IL1RAPL1: variants seen among roughly 807,000 people sequenced by gnomAD.
The protein encoded by IL1RAPL1 is interleukin 1 receptor accessory protein like 1, also known as interleukin-1 receptor accessory protein-like 1.
A neutral mutation model predicts 48.4 loss-of-function variants in IL1RAPL1; 3 were observed. The observed-to-expected ratio is 0.06, with a 90% CI of 0.03 to 0.16. The LOEUF (loss-of-function observed/expected upper bound fraction) is 0.16, where lower values mean the gene tolerates loss of function less well. Ranked by LOEUF, IL1RAPL1 falls within the 10% of genes least tolerant of loss-of-function variation. The pLI, the probability that IL1RAPL1 is intolerant of heterozygous loss-of-function variation, is 1.00. For synonymous variants in IL1RAPL1, 185 were observed against 187.7 expected, an observed-to-expected ratio of 0.99 and a Z score of 0.12; for missense variants, 349 against 530.6, an observed-to-expected ratio of 0.66 and a Z score of 3.36.
chrX:29,405,599 C>G (rs1431099247), intron 5 of IL1RAPL1, among the ~76,000 whole-genome samples: 1 of 105,766 alleles, frequency 9.5e-6, no homozygotes. Flanking sequence ...ATCTCCTGAC[C>G]TCGTGATCCA....
chrX:29,802,994 T>C (rs1465943590), intron 6 of IL1RAPL1, among the ~76,000 whole-genome samples: 13 of 68,172 alleles, frequency 1.9e-4, no homozygotes, highest in Non-Finnish European at 3.1e-4. Flanking sequence ...TGTACATATA[T>C]ATGTATGCAT....
intron 1 of IL1RAPL1, among the ~76,000 whole-genome samples, chrX:28,664,007 C>T (rs1180156617): frequency 8.9e-6 from 1 of 111,814 alleles, no homozygotes; most frequent in African/African-American, 3.3e-5. Context: ...TTGACATAAC[C>T]CTGGAGCCTG....
intron 2 of IL1RAPL1, among the ~76,000 whole-genome samples, chrX:29,165,351 ATAAAAT>A (rs1359610565): frequency 1.8e-5 from 2 of 112,064 alleles, no homozygotes; most frequent in Admixed American, 9.5e-5. Context: ...AATGAAAAAA[ATAAAAT>A]TAAACTAACA....
chrX:29,219,892 G>A (rs185491807), intron 2 of IL1RAPL1, among the ~76,000 whole-genome samples: 1 of 110,454 alleles, frequency 9.1e-6, no homozygotes, highest in Admixed American at 9.8e-5. Flanking sequence ...GGGTCAAAGA[G>A]CTTGAGAGCA....
At chrX:28,640,226 A>G (rs1934517063) in intron 1 of IL1RAPL1, among the ~76,000 whole-genome samples, 1 of 112,084 alleles carries the variant, frequency 8.9e-6, no homozygotes. Flanking sequence ...TCCAAGGATA[A>G]TGTAAATATA....
chrX:29,021,138 G>A (rs1300093526), intron 2 of IL1RAPL1, among the ~76,000 whole-genome samples: 1 of 104,710 alleles, frequency 9.6e-6, no homozygotes, highest in African/African-American at 3.5e-5. Context: ...ACTTGAACCC[G>A]GGAGGTGGAG....
chrX:29,461,682 A>G (rs770689595), intron 5 of IL1RAPL1, among the ~76,000 whole-genome samples: 1 of 112,171 alleles, frequency 8.9e-6, no homozygotes, highest in African/African-American at 3.2e-5. Flanking sequence ...ACTCTCCCCA[A>G]AAAGAAATAA....
chrX:29,621,389 T>TA (rs1924458283), intron 5 of IL1RAPL1, among the ~76,000 whole-genome samples: 1 of 111,328 alleles, frequency 9.0e-6, no homozygotes. Context: ...TAAAGGTATA[T>TA]AAATATATGG....
At chrX:29,120,208 T>C (rs1442157634) in intron 2 of IL1RAPL1, among the ~76,000 whole-genome samples, 1 of 112,509 alleles carries the variant, frequency 8.9e-6, no homozygotes, top group Non-Finnish European at 1.9e-5. Context: ...TCATAAATTC[T>C]TGCCCAAGGC....
At chrX:29,845,517 C>G (rs1157053206) in intron 6 of IL1RAPL1, among the ~76,000 whole-genome samples, 1 of 111,674 alleles carries the variant, frequency 9.0e-6, no homozygotes, top group African/African-American at 3.3e-5. Flanking sequence ...CTGCCAGAAG[C>G]AAATAATCGT....
chrX:29,294,294 TGAG>T (rs1932414969), intron 3 of IL1RAPL1, among the ~76,000 whole-genome samples: 1 of 109,930 alleles, frequency 9.1e-6, no homozygotes. Flanking sequence ...TTTGGGAGGC[TGAG>T]GTGGGCAGAT....
intron 2 of IL1RAPL1, among the ~76,000 whole-genome samples, chrX:28,902,226 C>G (rs947112330): frequency 4.6e-5 from 5 of 108,554 alleles, no homozygotes; most frequent in African/African-American, 1.7e-4. Context: ...GGCTGGAGTA[C>G]AGTGGCATGA....
At chrX:28,890,117 G>T (rs375267920) in intron 2 of IL1RAPL1, among the ~76,000 whole-genome samples, 1 of 111,569 alleles carries the variant, frequency 9.0e-6, no homozygotes, top group South Asian at 3.7e-4. Flanking sequence ...TAAAGGCCAT[G>T]AAATCTTCCC....
intron 2 of IL1RAPL1, among the ~76,000 whole-genome samples, chrX:28,896,036 G>A (rs982212816): frequency 9.8e-5 from 11 of 112,374 alleles, no homozygotes; most frequent in African/African-American, 3.6e-4. Context: ...CTGGTGGCCA[G>A]ATTTCCGGCA....
intron 2 of IL1RAPL1, among the ~76,000 whole-genome samples, chrX:28,849,565 C>T (rs1384576): frequency 1.8e-5 from 2 of 111,409 alleles, no homozygotes; most frequent in East Asian, 2.8e-4. Flanking sequence ...TATTAAACAA[C>T]GATATAAGAC....
chrX:28,651,786 C>T (rs898030590), intron 1 of IL1RAPL1, among the ~76,000 whole-genome samples: 1 of 111,415 alleles, frequency 9.0e-6, no homozygotes, highest in African/African-American at 3.3e-5. Flanking sequence ...AGTATTTTAA[C>T]GGGGCAGCAT....
At chrX:29,599,346 C>T (rs1205074389) in intron 5 of IL1RAPL1, among the ~76,000 whole-genome samples, 2 of 112,080 alleles carry the variant, frequency 1.8e-5, no homozygotes, top group Non-Finnish European at 3.8e-5. Flanking sequence ...AAAAATCGGA[C>T]CCCAATACTT....
chrX:29,513,603 T>C (rs1935416429), intron 5 of IL1RAPL1, among the ~76,000 whole-genome samples: 1 of 112,120 alleles, frequency 8.9e-6, no homozygotes, highest in Non-Finnish European at 1.9e-5. Flanking sequence ...TGTTATCTAT[T>C]TAAAATTGTA....
At chrX:29,435,415 T>A (rs1258537611) in intron 5 of IL1RAPL1, among the ~76,000 whole-genome samples, 1 of 111,325 alleles carries the variant, frequency 9.0e-6, no homozygotes, top group African/African-American at 3.2e-5. Flanking sequence ...ATTCAAATAC[T>A]ACAATCCGTA....
Sources: gnomAD v4.1 joint callset for allele counts (sites outside exome capture counted in the v4.1 genomes callset) on GRCh38, gnomAD v4.1.1 for gene constraint, MANE v1.5 for transcripts, NCBI Gene and HGNC (gene_info 2026-07-23, HGNC 2026-07-21) for gene names.